Variants in ARSG observed in about 807,000 individuals in gnomAD.
The protein encoded by ARSG is arylsulfatase G, also known as ASG.
Under a neutral mutation model 50.5 loss-of-function variants are expected in ARSG, and 37 were observed. That is an observed-to-expected ratio of 0.73 (90% CI 0.56 to 0.96). The LOEUF is 0.96. ARSG is among the 50% of genes least tolerant of loss of function. The probability of loss-of-function intolerance (pLI) is 0.00; values close to 1 mark genes in which losing one functional copy is unlikely to be tolerated. For synonymous variants in ARSG, 225 were observed against 254.6 expected, an observed-to-expected ratio of 0.88 and a Z score of 1.11; for missense variants, 629 against 675.3, an observed-to-expected ratio of 0.93 and a Z score of 0.76.
intron 2 of ARSG, among the ~76,000 whole-genome samples, chr17:68,337,334 G>A (rs2078068188): frequency 6.6e-6 from 1 of 152,114 alleles, no homozygotes. Context: ...TAGAGAGTGG[G>A]GCTGTCTGAG....
chr17:68,331,237 C>CTTTCTTTCTTTG (rs1555774221), intron 2 of ARSG, among the ~76,000 whole-genome samples: 3,735 of 72,174 alleles, frequency 0.052, 122 homozygotes, highest in Non-Finnish European at 0.057. Flanking sequence ...TTCTTTGTTT[C>CTTTCTTTCTTTG]TTTCTTTCTT....
the ARSG span, among the ~76,000 whole-genome samples, chr17:68,427,916 G>T: frequency 6.6e-6 from 1 of 152,096 alleles, no homozygotes; most frequent in Non-Finnish European, 1.5e-5. Context: ...TTGAGACAGG[G>T]TCTCACTCTG....
the ARSG span, chr17:68,451,031 G>C: frequency 7.9e-7 from 1 of 1,259,368 alleles, no homozygotes; most frequent in Non-Finnish European, 1.1e-6. Context: ...CGCCCTCTCT[G>C]AGCTTGCATT....
chr17:68,266,505 A>C (rs2075169384), intron 1 of ARSG, among the ~76,000 whole-genome samples: 1 of 138,032 alleles, frequency 7.2e-6, no homozygotes, highest in Non-Finnish European at 1.6e-5. Flanking sequence ...GTATACAAAA[A>C]AAAAAAGACA....
chr17:68,306,739 T>C (rs2076624550), intron 1 of ARSG, among the ~76,000 whole-genome samples: 1 of 152,176 alleles, frequency 6.6e-6, no homozygotes, highest in African/African-American at 2.4e-5. Context: ...ATCTCTAATG[T>C]TACTTCCAAC....
At chr17:68,428,067 T>G in the ARSG span, among the ~76,000 whole-genome samples, 2 of 152,006 alleles carry the variant, frequency 1.3e-5, no homozygotes, top group South Asian at 4.2e-4. Flanking sequence ...AATTTTTATA[T>G]TTTTTCTTTT....
chr17:68,321,446 C>T (rs574191353), intron 2 of ARSG, among the ~76,000 whole-genome samples: 13 of 152,170 alleles, frequency 8.5e-5, no homozygotes, highest in Non-Finnish European at 1.2e-4. Flanking sequence ...TCCCATCTCC[C>T]AACCCTGTCC....
intron 2 of ARSG, among the ~76,000 whole-genome samples, chr17:68,320,421 G>A (rs893363811): frequency 1.3e-5 from 2 of 152,172 alleles, no homozygotes; most frequent in African/African-American, 4.8e-5. Flanking sequence ...GAAGGGAGAG[G>A]AGAGTGTTGT....
chr17:68,380,734 AG>A (rs1385134027), intron 8 of ARSG, among the ~76,000 whole-genome samples: 2 of 152,204 alleles, frequency 1.3e-5, no homozygotes, highest in Admixed American at 6.5e-5. Flanking sequence ...GGAGAGTCAG[AG>A]GTTATGCCCA....
At chr17:68,377,208 A>G (rs190188417) in intron 8 of ARSG, among the ~76,000 whole-genome samples, 1 of 152,298 alleles carries the variant, frequency 6.6e-6, no homozygotes, top group Admixed American at 6.5e-5. Flanking sequence ...CAAATGAGGA[A>G]ACTGAGGCCA....
At chr17:68,393,353 G>A (rs1212023316) in intron 9 of ARSG, among the ~76,000 whole-genome samples, 1 of 152,152 alleles carries the variant, frequency 6.6e-6, no homozygotes, top group East Asian at 1.9e-4. Context: ...CCTTTGTCCG[G>A]TGGATCCACG....
intron 8 of ARSG, 29 bp downstream of exon 8, chr17:68,370,553 C>T: frequency 1.9e-6 from 3 of 1,604,510 alleles, no homozygotes; most frequent in Non-Finnish European, 1.7e-6. Context: ...GTTGGTGGAT[C>T]CCATTGCAAT....
rs142040454 is a variant in ARSG at position 68,373,504 on chromosome 17, C to G, written c.982+2980C>G. The stretch of plus-strand genomic sequence containing the variant: ...TTGGCCTTCCAAAGTGCTGGGATTA[C>G]AGGCGTGAGCCACCATGCCTGGCCT... On this transcript the variant is annotated intron_variant, in intron 8 of 11. Coordinates refer to ENST00000621439, the MANE Select transcript of ARSG (RefSeq NM_001267727.2). Among the ~76,000 whole-genome samples, 429 of 152,278 alleles carry G rather than the reference C, an allele frequency of 2.8e-3. 1 individual carries two copies. The highest frequency in any genetic ancestry group is 9.9e-3 in the African/African-American group (411 of 41,558).
intron 11 of ARSG, among the ~76,000 whole-genome samples, chr17:68,415,145 T>C (rs2082288600): frequency 6.6e-6 from 1 of 152,112 alleles, no homozygotes. Flanking sequence ...TCAGTCTTTT[T>C]GATGTAGGCA....
At chr17:68,401,653 T>C (rs1157645420) in intron 11 of ARSG, among the ~76,000 whole-genome samples, 1 of 152,252 alleles carries the variant, frequency 6.6e-6, no homozygotes, top group East Asian at 1.9e-4. Flanking sequence ...ATCTTTGTGC[T>C]GTTCACCTGA....
At chr17:68,301,863 T>C (rs1328700201) in intron 1 of ARSG, among the ~76,000 whole-genome samples, 3 of 152,038 alleles carry the variant, frequency 2.0e-5, no homozygotes, top group Non-Finnish European at 4.4e-5. Flanking sequence ...CGTAGCTTCC[T>C]CCCTGACCTC....
chr17:68,303,121 A>G (rs569549812), intron 1 of ARSG, among the ~76,000 whole-genome samples: 16 of 152,082 alleles, frequency 1.1e-4, no homozygotes, highest in African/African-American at 3.9e-4. Flanking sequence ...ATATAGCTGT[A>G]TGTTTGGAGG....
rs782022906 is a variant in ARSG at position 68,271,533 on chromosome 17, C to T, written c.-552+12107C>T. 78 of 1,614,008 alleles carry T rather than the reference C, an allele frequency of 4.8e-5. No individual in the cohort carries two copies. The highest frequency in any genetic ancestry group is 5.5e-5 in the Non-Finnish European group (65 of 1,180,028). On this transcript the variant is annotated intron_variant, in intron 1 of 11. Coordinates refer to the ARSG transcript ENST00000448504. This position sits in a 1 kb window ranked among gnomAD's most constrained non-coding sequence, Gnocchi z 5.3. ...TTTCCTGGATGACTATTTTCGGTGACGCTGGTCCTCTGATAAAGATGGGTC... is the reference window on the plus strand; with the variant it reads ...TTTCCTGGATGACTATTTTCGGTGATGCTGGTCCTCTGATAAAGATGGGTC...
At chr17:68,333,904 A>T (rs1012501174) in intron 2 of ARSG, among the ~76,000 whole-genome samples, 10 of 152,130 alleles carry the variant, frequency 6.6e-5, no homozygotes, top group African/African-American at 1.9e-4. Context: ...GGTGGTCCCA[A>T]TACGTGTGGC....
Sources: allele counts gnomAD v4.1 joint callset (sites outside exome capture counted in the v4.1 genomes callset), GRCh38; gene constraint gnomAD v4.1.1; non-coding constraint Gnocchi (gnomAD v3.1); transcripts MANE v1.5; gene names NCBI Gene and HGNC (gene_info 2026-07-23, HGNC 2026-07-21).